EXOC6B: variants seen among roughly 807,000 people sequenced by gnomAD.
EXOC6B encodes the protein SEC15 homolog B.
Under a neutral mutation model 113.5 loss-of-function variants are expected in EXOC6B, and 54 were observed. The observed-to-expected ratio is 0.48, with a 90% CI of 0.38 to 0.60. The LOEUF (loss-of-function observed/expected upper bound fraction) is 0.60. Among genes scored for constraint, EXOC6B ranks in the 20% least tolerant of loss-of-function variants. The pLI is 0.00. For synonymous variants in EXOC6B, 357 were observed against 339.0 expected (o/e 1.05, Z -0.58); for missense variants, 797 against 977.5 (o/e 0.82, Z 2.46).
chr2:72,727,595 A>G (rs901770965), intron 5 of EXOC6B, among the ~76,000 whole-genome samples: 6 of 152,194 alleles, frequency 3.9e-5, no homozygotes, highest in African/African-American at 1.4e-4. Flanking sequence ...TCCATTCTCT[A>G]TCGCACTGTG....
rs149972204 is a variant in EXOC6B, at chr2:72,719,382, G to A, written c.465-1075C>T. Among the ~76,000 whole-genome samples, 743 of 152,234 alleles carry A rather than the reference G, an allele frequency of 4.9e-3. 20 individuals are homozygous for A. The highest frequency in any genetic ancestry group is 0.045 in the Admixed American group (681 of 15,286). The stretch of plus-strand genomic sequence containing the variant: ...CCAAAGGACTAATCAGAAATTTAAC[G>A]GGGAAGTCATAAAAATAAAAGACCT... On this transcript the variant is annotated intron_variant, in intron 5 of 21. Transcript: ENST00000272427.
intron 6 of EXOC6B, among the ~76,000 whole-genome samples, chr2:72,633,100 A>C (rs1489086457): frequency 1.3e-5 from 2 of 152,184 alleles, no homozygotes; most frequent in African/African-American, 4.8e-5. Context: ...CATGTATTTC[A>C]TTCTGACTCT....
chr2:72,684,499 T>C (rs1311436612), intron 6 of EXOC6B, among the ~76,000 whole-genome samples: 1 of 152,108 alleles, frequency 6.6e-6, no homozygotes, highest in Non-Finnish European at 1.5e-5. Flanking sequence ...GAAACATATA[T>C]CCACAAAAAA....
intron 20 of EXOC6B, among the ~76,000 whole-genome samples, chr2:72,196,266 A>G (rs1020131202): frequency 8.5e-5 from 13 of 152,224 alleles, no homozygotes; most frequent in African/African-American, 2.9e-4. Context: ...ATGAGTCATT[A>G]TTACAAATTA....
At chr2:72,358,904 C>T (rs1047793735) in intron 19 of EXOC6B, among the ~76,000 whole-genome samples, 4 of 152,116 alleles carry the variant, frequency 2.6e-5, no homozygotes, top group African/African-American at 7.2e-5. Context: ...AACTCCCTCC[C>T]ATCTTCAGAG....
chr2:72,490,082 C>T (rs923352396), intron 16 of EXOC6B, among the ~76,000 whole-genome samples: 34 of 152,114 alleles, frequency 2.2e-4, no homozygotes, highest in Non-Finnish European at 4.4e-5. Flanking sequence ...ATTTTGTGGG[C>T]TTATCATAAT....
At chr2:72,793,867 T>G (rs1235050077) in intron 1 of EXOC6B, among the ~76,000 whole-genome samples, 1 of 152,074 alleles carries the variant, frequency 6.6e-6, no homozygotes, top group East Asian at 1.9e-4. Context: ...GTAGGAAGTA[T>G]GACATGGGCA....
At chr2:72,758,515 T>C (rs1489972124) in intron 1 of EXOC6B, among the ~76,000 whole-genome samples, 1 of 152,120 alleles carries the variant, frequency 6.6e-6, no homozygotes, top group Non-Finnish European at 1.5e-5. Flanking sequence ...CTGGTCCCCC[T>C]CCTCTCACAT....
At chr2:72,198,520 T>C (rs1483089833) in intron 20 of EXOC6B, among the ~76,000 whole-genome samples, 1 of 152,218 alleles carries the variant, frequency 6.6e-6, no homozygotes, top group East Asian at 1.9e-4. Flanking sequence ...AGGTTATTAT[T>C]TTGCTAGATG....
At chr2:72,620,302 G>A (rs922777996) in intron 6 of EXOC6B, among the ~76,000 whole-genome samples, 4 of 152,180 alleles carry the variant, frequency 2.6e-5, no homozygotes, top group African/African-American at 9.6e-5. Flanking sequence ...GTGGTGGGGG[G>A]CAGGGAAGAG....
chr2:72,178,792 T>C lies in EXOC6B; in HGVS notation c.*543A>G, dbSNP rs1677901686. On this transcript the variant is annotated 3_prime_UTR_variant, in exon 22 of 22. Transcript: ENST00000272427. ...GTCATCTTGCCATATGCCATGCTTGTTCACAAGCCAGTGAAAGTCAGCAGA... is the reference window on the plus strand; with the variant it reads ...GTCATCTTGCCATATGCCATGCTTGCTCACAAGCCAGTGAAAGTCAGCAGA... 1 of 152,424 alleles carries C rather than the reference T, an allele frequency of 6.6e-6. No homozygotes were observed. Among genetic ancestry groups the C allele is most frequent in the Admixed American group, 6.5e-5 (1 of 15,312 alleles). 9.4% of individuals were successfully genotyped at this position (152,424 alleles called of 1,614,324 possible).
chr2:72,334,972 T>TGCAGCGTGTCCTCCTGGAACCCAG lies in EXOC6B; in HGVS notation c.2147_2170dup (p.Pro716_Leu723dup). 1 of 1,613,362 alleles carries TGCAGCGTGTCCTCCTGGAACCCAG rather than the reference T, an allele frequency of 6.2e-7. No homozygotes were observed. The highest frequency in any genetic ancestry group is 8.5e-7 in the Non-Finnish European group (1 of 1,179,522). ...TTGTCTCAAGTCGATGAAGGCCAAC[T>TGCAGCGTGTCCTCCTGGAACCCAG]GCAGCGTGTCCTCCTGGAACCCAGG... On this transcript the variant is annotated inframe_insertion, in exon 20 of 22. Transcript: ENST00000272427.
At chr2:72,778,822 C>T (rs1477638952) in intron 1 of EXOC6B, among the ~76,000 whole-genome samples, 1 of 151,956 alleles carries the variant, frequency 6.6e-6, no homozygotes, top group Non-Finnish European at 1.5e-5. Flanking sequence ...GTTAAGATCA[C>T]CGAGTTCCAA....
chr2:72,286,277 T>C (rs2104690861), intron 20 of EXOC6B, among the ~76,000 whole-genome samples: 1 of 152,308 alleles, frequency 6.6e-6, no homozygotes, highest in East Asian at 1.9e-4. Flanking sequence ...GATAAATGAA[T>C]GTGGTAAATC....
intron 20 of EXOC6B, among the ~76,000 whole-genome samples, chr2:72,314,070 AT>A (rs1266657291): frequency 6.6e-6 from 1 of 152,170 alleles, no homozygotes; most frequent in African/African-American, 2.4e-5. Flanking sequence ...CTTACTTTAG[AT>A]TTCTCTGCCA....
chr2:72,231,068 A>G (rs1681590512), intron 20 of EXOC6B, among the ~76,000 whole-genome samples: 1 of 152,174 alleles, frequency 6.6e-6, no homozygotes, highest in Non-Finnish European at 1.5e-5. Context: ...ACTTAAGAGT[A>G]CCCATGAAAA....
At position 72,406,174 on chromosome 2, in the gene EXOC6B, C is replaced by T. The variant is rs567613691; in HGVS notation, c.1981-26304G>A. ...CTCACTATCCTAAATATATATGCAC[C>T]CAATACAGGAGCACCCAGATTCATA... On this transcript the variant is annotated intron_variant, in intron 18 of 21. Transcript: ENST00000272427. 1.3e-4 allele frequency among the ~76,000 whole-genome samples: 20 copies of T among 152,212 alleles called. No individual in the cohort carries two copies. In the East Asian group the frequency reaches 1.9e-3, roughly 15 times the overall value.
At chr2:72,632,288 A>G (rs937907486) in intron 6 of EXOC6B, among the ~76,000 whole-genome samples, 1 of 152,180 alleles carries the variant, frequency 6.6e-6, no homozygotes, top group African/African-American at 2.4e-5. Flanking sequence ...ACTGAAGAAA[A>G]GAATAATATC....
intron 11 of EXOC6B, among the ~76,000 whole-genome samples, chr2:72,503,330 C>T (rs889564379): frequency 9.9e-5 from 15 of 152,196 alleles, no homozygotes; most frequent in Non-Finnish European, 2.2e-4. Flanking sequence ...CCCAAATACC[C>T]TGTGCTCTGC....
Sources: gnomAD v4.1 joint callset for allele counts (sites outside exome capture counted in the v4.1 genomes callset) on GRCh38, gnomAD v4.1.1 for gene constraint, MANE v1.5 for transcripts, NCBI Gene and HGNC (gene_info 2026-07-23, HGNC 2026-07-21) for gene names.